ATRNL1: variants seen among roughly 807,000 people sequenced by gnomAD.
ATRNL1 encodes attractin-like protein 1.
ATRNL1 carries 95 observed loss-of-function variants against 182.7 expected under a neutral mutation model. That is an observed-to-expected ratio of 0.52 (90% CI 0.44 to 0.62). The LOEUF (loss-of-function observed/expected upper bound fraction) is 0.62. Among genes scored for constraint, ATRNL1 ranks in the 20% least tolerant of loss-of-function variants. The pLI is 0.00. For missense variants in ATRNL1, 1,471 were observed against 1,679.5 expected (o/e 0.88, Z 2.17); for synonymous variants, 576 against 568.3 (o/e 1.01, Z -0.19).
At chr10:115,621,288 G>T (rs1323639044) in intron 26 of ATRNL1, among the ~76,000 whole-genome samples, 547 of 111,992 alleles carry the variant, frequency 4.9e-3, no homozygotes, top group Admixed American at 9.2e-3. Flanking sequence ...GAGAGAGAGA[G>T]AGAGAGAGAG....
At chr10:115,778,512 T>C (rs1038900894) in intron 27 of ATRNL1, among the ~76,000 whole-genome samples, 10 of 152,102 alleles carry the variant, frequency 6.6e-5, no homozygotes, top group African/African-American at 1.7e-4. Context: ...AACAGAGATA[T>C]GGTGAAAGAG....
chr10:115,274,870 A>T (rs1327052594), intron 13 of ATRNL1, among the ~76,000 whole-genome samples: 1 of 152,236 alleles, frequency 6.6e-6, no homozygotes, highest in Non-Finnish European at 1.5e-5. Context: ...CACATCTGAT[A>T]AGGCAATTAC....
chr10:115,428,514 T>C (rs1010059602), intron 21 of ATRNL1, among the ~76,000 whole-genome samples: 8 of 152,090 alleles, frequency 5.3e-5, no homozygotes, highest in Admixed American at 5.2e-4. Context: ...AAATATGATG[T>C]AGGTTTTTGC....
intron 8 of ATRNL1, among the ~76,000 whole-genome samples, chr10:115,187,219 C>A (rs1282015695): frequency 6.6e-6 from 1 of 151,464 alleles, no homozygotes; most frequent in Non-Finnish European, 1.5e-5. Flanking sequence ...GTAGGTATGA[C>A]CCCACAGGAC....
At chr10:115,666,531 C>T (rs1346134538) in intron 26 of ATRNL1, among the ~76,000 whole-genome samples, 4 of 152,090 alleles carry the variant, frequency 2.6e-5, no homozygotes, top group African/African-American at 9.7e-5. Context: ...TTAGGGGTAA[C>T]TGGCAAAACA....
At chr10:115,453,493 G>T (rs1311754001) in intron 21 of ATRNL1, among the ~76,000 whole-genome samples, 1 of 151,884 alleles carries the variant, frequency 6.6e-6, no homozygotes, top group African/African-American at 2.4e-5. Context: ...TTTGTTGATT[G>T]TTGCCTTTGC....
At chr10:115,291,817 T>TG (rs1554920927) in intron 15 of ATRNL1, among the ~76,000 whole-genome samples, 1 of 151,480 alleles carries the variant, frequency 6.6e-6, no homozygotes, top group Non-Finnish European at 1.5e-5. Flanking sequence ...TAGGTTTTTT[T>TG]TTTTTTTTTT....
At chr10:115,488,939 G>T (rs1849162001) in intron 24 of ATRNL1, among the ~76,000 whole-genome samples, 1 of 151,990 alleles carries the variant, frequency 6.6e-6, no homozygotes, top group African/African-American at 2.4e-5. Flanking sequence ...TGTTCTCATT[G>T]GTTTCAAAGA....
chr10:115,426,382 T>A, intron 21 of ATRNL1, 80 bp downstream of exon 21: 1 of 1,019,450 alleles, frequency 9.8e-7, no homozygotes, highest in Non-Finnish European at 1.4e-6. Flanking sequence ...CTTGAATAAC[T>A]AAAATTGTCA....
intron 1 of ATRNL1, among the ~76,000 whole-genome samples, chr10:115,095,088 A>C (rs749972278): frequency 6.6e-5 from 10 of 152,150 alleles, no homozygotes; most frequent in Non-Finnish European, 1.5e-4. Flanking sequence ...AGTGTAGGGG[A>C]GTAGCAAAAG....
intron 26 of ATRNL1, among the ~76,000 whole-genome samples, chr10:115,632,509 G>A (rs1462239758): frequency 1.3e-5 from 2 of 152,078 alleles, no homozygotes; most frequent in Admixed American, 6.6e-5. Flanking sequence ...TAGTTTTAAA[G>A]AATCTATTTT....
intron 26 of ATRNL1, among the ~76,000 whole-genome samples, chr10:115,713,410 G>A (rs964923243): frequency 2.7e-5 from 4 of 150,520 alleles, no homozygotes; most frequent in East Asian, 1.9e-4. Context: ...AGAATAATGC[G>A]GAGAAAAACA....
intron 26 of ATRNL1, among the ~76,000 whole-genome samples, chr10:115,559,443 T>TGTGGGCGCGC (rs200694810): frequency 1.3e-5 from 1 of 77,788 alleles, no homozygotes. Context: ...TGTGTGTGTG[T>TGTGGGCGCGC]GCGCGCGCGC....
chr10:115,904,835 T>C (rs1952453155), intron 28 of ATRNL1, among the ~76,000 whole-genome samples: 1 of 152,238 alleles, frequency 6.6e-6, no homozygotes, highest in South Asian at 2.1e-4. Context: ...TGCAATCAGA[T>C]TCTCTTATCC....
At position 115,389,542 on chromosome 10, in the gene ATRNL1, A is replaced by ATATATATATATATATATATG. The variant is rs1843875456; in HGVS notation, c.3176-5098_3176-5097insGTATATATATATATATATAT. ...GAATAGTATTCAAATGTGTATGTGT[A>ATATATATATATATATATATG]TATATATATATATATATATATATAT... On this transcript the variant is annotated intron_variant, in intron 19 of 28. Coordinates refer to ENST00000355044, the MANE Select transcript of ATRNL1 (RefSeq NM_207303.4). Among the ~76,000 whole-genome samples the ATATATATATATATATATATG allele has an allele frequency of 4.9e-4, 5 of 10,278 alleles. 2 individuals are homozygous for ATATATATATATATATATATG. Among genetic ancestry groups the ATATATATATATATATATATG allele is most frequent in the Non-Finnish European group, 8.9e-4 (5 of 5,642 alleles). The allele number at this position is 10,278 out of a possible 152,430, so 6.7% of individuals were successfully genotyped here.
intron 27 of ATRNL1, among the ~76,000 whole-genome samples, chr10:115,829,551 C>T (rs992450182): frequency 4.6e-5 from 7 of 151,136 alleles, no homozygotes; most frequent in Admixed American, 2.0e-4. Flanking sequence ...ATCTGCAATG[C>T]GAGCTGAGCA....
chr10:115,201,228 A>G (rs1215010593), intron 8 of ATRNL1, among the ~76,000 whole-genome samples: 5 of 151,824 alleles, frequency 3.3e-5, no homozygotes, highest in African/African-American at 9.7e-5. Context: ...GAAGCTCTTT[A>G]GTTTAATGAG....
At chr10:115,260,707 A>C (rs185916094) in intron 10 of ATRNL1, among the ~76,000 whole-genome samples, 42 of 152,322 alleles carry the variant, frequency 2.8e-4, no homozygotes, top group African/African-American at 9.9e-4. Flanking sequence ...GCAAAATGTG[A>C]GATTTTAATA....
chr10:115,502,588 A>C (rs1490220990), intron 24 of ATRNL1, among the ~76,000 whole-genome samples: 1 of 152,138 alleles, frequency 6.6e-6, no homozygotes, highest in Non-Finnish European at 1.5e-5. Flanking sequence ...AATCCTGACC[A>C]TAGGATATAA....
Sources: gnomAD v4.1 joint callset for allele counts (sites outside exome capture counted in the v4.1 genomes callset) on GRCh38, gnomAD v4.1.1 for gene constraint, MANE v1.5 for transcripts, NCBI Gene and HGNC (gene_info 2026-07-23, HGNC 2026-07-21) for gene names.